SAMD4A: variants seen among roughly 807,000 people sequenced by gnomAD.
SAMD4A encodes the protein protein Smaug homolog 1.
Under a neutral mutation model 81.3 loss-of-function variants are expected in SAMD4A, and 33 were observed. The observed-to-expected ratio is 0.41, with a 90% CI of 0.31 to 0.54. The LOEUF (loss-of-function observed/expected upper bound fraction) is 0.54. Ranked by LOEUF, SAMD4A falls within the 20% of genes least tolerant of loss-of-function variation. SAMD4A has a pLI of 0.37. For synonymous variants in SAMD4A, 389 were observed against 382.1 expected (o/e 1.02, Z -0.21); for missense variants, 854 against 951.1 (o/e 0.90, Z 1.34).
chr14:54,711,400 A>T (rs1416462237), intron 3 of SAMD4A, among the ~76,000 whole-genome samples: 2 of 152,182 alleles, frequency 1.3e-5, no homozygotes, highest in Non-Finnish European at 2.9e-5. Context: ...TACCCAAAAA[A>T]ACTAGTGATC....
intron 6 of SAMD4A, 104 bp from the exon 7 acceptor site, chr14:54,760,056 GC>G (rs2038349849): frequency 8.5e-7 from 1 of 1,177,334 alleles, no homozygotes; most frequent in South Asian, 1.4e-5. Flanking sequence ...GAGGGTACCA[GC>G]AGCCACGAAT....
chr14:54,568,083 A>G lies in SAMD4A; in HGVS notation c.167A>G (p.His56Arg). 1.3e-6 allele frequency: 2 copies of G among 1,566,854 alleles called. No individual in the cohort carries two copies. The highest frequency in any genetic ancestry group is 2.4e-5 in the East Asian group (1 of 42,166). ...TCGCTGGCCGACTGCGCCGAGCTGC[A>G]CGTCCTCGAACGCGAGGCCAACAGC... ...EHSLADCAEL[H>R]VLEREANSPG... The change falls in exon 2 of 13, where the codon CAC becomes CGC. Residue 56 changes from histidine (H) to arginine (R), a missense_variant. Coordinates refer to ENST00000554335, the MANE Select transcript of SAMD4A (RefSeq NM_015589.6).
At chr14:54,757,306 A>G (rs2038264626) in intron 6 of SAMD4A, among the ~76,000 whole-genome samples, 1 of 152,070 alleles carries the variant, frequency 6.6e-6, no homozygotes, top group Admixed American at 6.6e-5. Context: ...AGGGGAAAAA[A>G]ATTCTACATG....
intron 2 of SAMD4A, chr14:54,682,140 G>A (rs1408387796): frequency 1.2e-6 from 1 of 837,212 alleles, no homozygotes; most frequent in East Asian, 1.2e-4. Context: ...GGCCTTTAAT[G>A]TTTGGGATTG....
intron 2 of SAMD4A, among the ~76,000 whole-genome samples, chr14:54,650,094 C>A (rs2035371886): frequency 6.6e-6 from 1 of 152,208 alleles, no homozygotes; most frequent in African/African-American, 2.4e-5. Context: ...ATTCCACTTA[C>A]CTCCTCTAAT....
intron 4 of SAMD4A, among the ~76,000 whole-genome samples, chr14:54,738,437 T>C (rs1455898086): frequency 3.9e-5 from 6 of 152,192 alleles, no homozygotes; most frequent in Admixed American, 6.5e-5. Flanking sequence ...TGCTTAGGCC[T>C]GTGTCCTCTC....
At chr14:54,768,547 C>T (rs1323811385) in intron 8 of SAMD4A, among the ~76,000 whole-genome samples, 1 of 152,218 alleles carries the variant, frequency 6.6e-6, no homozygotes, top group African/African-American at 2.4e-5. Flanking sequence ...AGCATGCCCA[C>T]ATGTGTCCTC....
At chr14:54,701,533 G>A (rs1389611202) in intron 2 of SAMD4A, among the ~76,000 whole-genome samples, 1 of 152,206 alleles carries the variant, frequency 6.6e-6, no homozygotes, top group African/African-American at 2.4e-5. Flanking sequence ...CAGAGATGAG[G>A]GGAGCTCTTT....
intron 2 of SAMD4A, among the ~76,000 whole-genome samples, chr14:54,638,679 C>G (rs1265354383): frequency 6.6e-6 from 1 of 152,160 alleles, no homozygotes; most frequent in African/African-American, 2.4e-5. Context: ...AGACATTTCT[C>G]TAGGAGATTA....
chr14:54,673,861 C>G (rs534570530), intron 2 of SAMD4A, among the ~76,000 whole-genome samples: 12 of 152,362 alleles, frequency 7.9e-5, no homozygotes, highest in Admixed American at 4.6e-4. Context: ...TCTTAAACTT[C>G]AGACCTCAGC....
chr14:54,590,165 T>C (rs1009131608), intron 2 of SAMD4A, among the ~76,000 whole-genome samples: 8 of 152,126 alleles, frequency 5.3e-5, no homozygotes, highest in African/African-American at 9.7e-5. Flanking sequence ...GCACTGTCAA[T>C]GGTGAAAAGT....
intron 2 of SAMD4A, among the ~76,000 whole-genome samples, chr14:54,573,101 A>C (rs546011115): frequency 1.8e-4 from 28 of 152,316 alleles, no homozygotes; most frequent in Non-Finnish European, 7.4e-5. Flanking sequence ...TAGGGGCTTT[A>C]TATATGAAGC....
chr14:54,722,899 T>C (rs1173130730), intron 3 of SAMD4A, among the ~76,000 whole-genome samples: 1 of 152,138 alleles, frequency 6.6e-6, no homozygotes, highest in African/African-American at 2.4e-5. Flanking sequence ...ATTGGACACA[T>C]AAACAATAGC....
chr14:54,670,577 C>A (rs1418114207), intron 2 of SAMD4A, among the ~76,000 whole-genome samples: 1 of 152,180 alleles, frequency 6.6e-6, no homozygotes, highest in Non-Finnish European at 1.5e-5. Context: ...TCACAATTCC[C>A]ATCTGTAAAA....
At chr14:54,648,724 T>C (rs962735974) in intron 2 of SAMD4A, among the ~76,000 whole-genome samples, 10 of 152,152 alleles carry the variant, frequency 6.6e-5, no homozygotes, top group Admixed American at 1.3e-4. Flanking sequence ...GTGGGTCGTG[T>C]AAAACTTTGG....
chr14:54,623,081 C>T (rs1241342309), intron 2 of SAMD4A, among the ~76,000 whole-genome samples: 1 of 152,218 alleles, frequency 6.6e-6, no homozygotes, highest in Non-Finnish European at 1.5e-5. Flanking sequence ...CCCATGAGTG[C>T]ACCAGCCCTG....
chr14:54,710,878 G>T (rs1264612774), intron 3 of SAMD4A, among the ~76,000 whole-genome samples: 1 of 152,198 alleles, frequency 6.6e-6, no homozygotes, highest in East Asian at 1.9e-4. Context: ...ATAATGTGTG[G>T]CTCAAAAAGT....
At chr14:54,634,930 C>T (rs1357759691) in intron 2 of SAMD4A, among the ~76,000 whole-genome samples, 1 of 152,166 alleles carries the variant, frequency 6.6e-6, no homozygotes, top group Non-Finnish European at 1.5e-5. Context: ...TTCCCAGAAC[C>T]ATGAGCCAAG....
At chr14:54,684,076 A>G (rs2036193016) in intron 2 of SAMD4A, among the ~76,000 whole-genome samples, 1 of 152,240 alleles carries the variant, frequency 6.6e-6, no homozygotes, top group South Asian at 2.1e-4. Context: ...CTAACTAGTA[A>G]GTGAAACACA....
Sources: allele counts gnomAD v4.1 joint callset (sites outside exome capture counted in the v4.1 genomes callset), GRCh38; gene constraint gnomAD v4.1.1; transcripts MANE v1.5; gene names NCBI Gene and HGNC (gene_info 2026-07-23, HGNC 2026-07-21).